The following DCAF8L2 variants were observed in gnomAD, a reference collection of about 807,000 sequenced individuals.
DCAF8L2 encodes DDB1 and CUL4 associated factor 8 like 2, also known as DDB1- and CUL4-associated factor 8-like protein 2.
For missense variants in DCAF8L2, 430 were observed against 490.7 expected, an observed-to-expected ratio of 0.88 and a Z score of 1.17; for synonymous variants, 200 against 190.9, an observed-to-expected ratio of 1.05 and a Z score of -0.39.
chrX:27,480,629 G>T, the DCAF8L2 span, among the ~76,000 whole-genome samples: 1 of 111,744 alleles, frequency 8.9e-6, no homozygotes, highest in African/African-American at 3.3e-5. Context: ...CTCAATTCCT[G>T]ACATCTGGTA....
chrX:27,470,043 C>T, the DCAF8L2 span, among the ~76,000 whole-genome samples: 1 of 112,014 alleles, frequency 8.9e-6, no homozygotes, highest in Non-Finnish European at 1.9e-5. Context: ...GCTGGGATTA[C>T]AGGCGTGAGC....
intron 1 of DCAF8L2, among the ~76,000 whole-genome samples, chrX:27,613,779 G>A (rs12014180): frequency 9.0e-6 from 1 of 110,790 alleles, no homozygotes; most frequent in Admixed American, 9.6e-5. Context: ...TGTTGAACCA[G>A]CCTTGCATCC....
At chrX:27,729,764 C>G (rs1236385970) in intron 4 of DCAF8L2, among the ~76,000 whole-genome samples, 1 of 111,996 alleles carries the variant, frequency 8.9e-6, no homozygotes, top group Non-Finnish European at 1.9e-5. Flanking sequence ...AAGCTGCTAC[C>G]TCCTAATACC....
At chrX:27,700,576 T>G (rs1000287978) in intron 3 of DCAF8L2, among the ~76,000 whole-genome samples, 19 of 111,714 alleles carry the variant, frequency 1.7e-4, no homozygotes, top group African/African-American at 5.8e-4. Flanking sequence ...TGAAAATTGA[T>G]TCTCACTTTT....
the DCAF8L2 span, among the ~76,000 whole-genome samples, chrX:27,563,445 G>A: frequency 2.7e-4 from 30 of 111,707 alleles, no homozygotes; most frequent in Admixed American, 9.5e-4. Context: ...CCTTGAGGGG[G>A]GACCATAGAC....
At chrX:27,489,751 A>G in the DCAF8L2 span, among the ~76,000 whole-genome samples, 1 of 112,391 alleles carries the variant, frequency 8.9e-6, no homozygotes, top group African/African-American at 3.2e-5. Flanking sequence ...GTAAAATATT[A>G]CATTCCCCTC....
chrX:27,503,480 G>A, the DCAF8L2 span, among the ~76,000 whole-genome samples: 1 of 110,848 alleles, frequency 9.0e-6, no homozygotes, highest in African/African-American at 3.3e-5. Context: ...TTTGTATAAG[G>A]TCTGAGGTTT....
At chrX:27,547,694 C>T in the DCAF8L2 span, among the ~76,000 whole-genome samples, 1 of 111,042 alleles carries the variant, frequency 9.0e-6, no homozygotes, top group Non-Finnish European at 1.9e-5. Context: ...AAGTGGTCCC[C>T]ATAATCCAGT....
At chrX:27,677,708 T>C (rs1183407321) in intron 2 of DCAF8L2, 128 bp from the exon 3 acceptor site, 1 of 111,958 alleles carries the variant, frequency 8.9e-6, no homozygotes, top group African/African-American at 3.2e-5. Context: ...TCGTGCTCTT[T>C]ATCCTAACAT....
In DCAF8L2 at chrX:27,747,433, T is replaced by G; in HGVS notation, c.538T>G (p.Ser180Ala). 14 of 1,173,860 alleles carry G rather than the reference T, an allele frequency of 1.2e-5. No individual in the cohort carries two copies. The highest frequency in any genetic ancestry group is 1.5e-5 in the Non-Finnish European group (13 of 876,254). The change falls in exon 5 of 5, where the codon TCT (serine) becomes GCT (alanine). Residue 180 changes from serine to alanine, a missense_variant. Physicochemically the swap from Ser to Ala is moderately conservative, Grantham distance 99. Coordinates refer to ENST00000451261, the MANE Select transcript of DCAF8L2 (RefSeq NM_001353450.2). Reference sequence around the variant, plus strand: ...GGAGGAGTGGGTTTCCTCAGAGACATCTGCCCTGCCCCGACCTCGCTGGCA... The same window carrying G: ...GGAGGAGTGGGTTTCCTCAGAGACAGCTGCCCTGCCCCGACCTCGCTGGCA... ...ALEEWVSSET[S>A]ALPRPRWQVV...
the DCAF8L2 span, among the ~76,000 whole-genome samples, chrX:27,575,214 T>C: frequency 1.8e-5 from 2 of 111,332 alleles, no homozygotes; most frequent in South Asian, 7.7e-4. Flanking sequence ...CATCTGTCGT[T>C]GTGCTTTTCC....
intron 3 of DCAF8L2, among the ~76,000 whole-genome samples, chrX:27,678,173 T>C (rs1012809711): frequency 2.7e-5 from 3 of 111,944 alleles, no homozygotes; most frequent in Non-Finnish European, 3.8e-5. Flanking sequence ...GACTATGTTT[T>C]GGAGGAAAGA....
At chrX:27,662,208 G>A (rs990617508) in intron 2 of DCAF8L2, among the ~76,000 whole-genome samples, 7 of 111,035 alleles carry the variant, frequency 6.3e-5, no homozygotes, top group Non-Finnish European at 1.3e-4. Flanking sequence ...AAAGATTTGC[G>A]TCTGTGCAGG....
the DCAF8L2 span, among the ~76,000 whole-genome samples, chrX:27,581,802 T>G: frequency 8.9e-6 from 1 of 111,757 alleles, no homozygotes. Context: ...CAGGCTTGTC[T>G]CAAACTCCTG....
intron 2 of DCAF8L2, among the ~76,000 whole-genome samples, chrX:27,667,251 T>C (rs1182526297): frequency 9.0e-6 from 1 of 111,724 alleles, no homozygotes; most frequent in African/African-American, 3.3e-5. Flanking sequence ...AGTGACTGGT[T>C]GGTTCTTTAT....
the DCAF8L2 span, among the ~76,000 whole-genome samples, chrX:27,569,145 A>G: frequency 9.0e-6 from 1 of 111,636 alleles, no homozygotes; most frequent in Non-Finnish European, 1.9e-5. Flanking sequence ...TAAGGAAATC[A>G]TACCTGACTA....
At chrX:27,734,144 C>T (rs1382841044) in intron 4 of DCAF8L2, among the ~76,000 whole-genome samples, 1 of 111,428 alleles carries the variant, frequency 9.0e-6, no homozygotes, top group Non-Finnish European at 1.9e-5. Context: ...GATGGCCACC[C>T]TTGGCATTTC....
At chrX:27,598,572 C>G (rs1926472599) in intron 1 of DCAF8L2, among the ~76,000 whole-genome samples, 1 of 112,285 alleles carries the variant, frequency 8.9e-6, no homozygotes, top group South Asian at 3.6e-4. Flanking sequence ...TATGGTGTAA[C>G]AAATGTAAAA....
chrX:27,714,927 T>C (rs915778013), intron 3 of DCAF8L2, among the ~76,000 whole-genome samples: 8 of 111,587 alleles, frequency 7.2e-5, no homozygotes, highest in African/African-American at 2.6e-4. Context: ...ATTTTTTTAG[T>C]TAAAGACAAG....
Sources: gnomAD v4.1 joint callset for allele counts (sites outside exome capture counted in the v4.1 genomes callset) on GRCh38, gnomAD v4.1.1 for gene constraint, MANE v1.5 for transcripts, NCBI Gene and HGNC (gene_info 2026-07-23, HGNC 2026-07-21) for gene names.